Variants in HMGB1 observed in about 807,000 individuals in gnomAD.
HMGB1 encodes high mobility group protein B1.
For synonymous variants in HMGB1, 81 were observed against 84.0 expected (o/e 0.96, Z 0.19); for missense variants, 79 against 253.5 (o/e 0.31, Z 4.67).
intron 1 of HMGB1, among the ~76,000 whole-genome samples, chr13:30,500,424 C>A (rs1198047756): frequency 6.6e-6 from 1 of 152,078 alleles, no homozygotes; most frequent in African/African-American, 2.4e-5. Flanking sequence ...GGCTGGAGTG[C>A]AGTGGTGCAA....
rs116785195 is a variant in HMGB1, at chr13:30,587,517, G to A, written c.-15+29154C>T. Among the ~76,000 whole-genome samples, 494 of 152,326 alleles carry A rather than the reference G, an allele frequency of 3.2e-3. 1 individual carries two copies. The highest frequency in any genetic ancestry group is 0.011 in the African/African-American group (477 of 41,572). ...ATTTAGCTTTCTGAATTTCTCAAGT[G>A]TGTGTATGAATGAGACTAGTGGGGT... On this transcript the variant is annotated intron_variant, in intron 1 of 4. Coordinates refer to the HMGB1 transcript ENST00000405805.
At chr13:30,612,351 G>A (rs1450712825) in intron 1 of HMGB1, among the ~76,000 whole-genome samples, 4 of 152,082 alleles carry the variant, frequency 2.6e-5, no homozygotes, top group Admixed American at 6.5e-5. Context: ...CAAGACACTC[G>A]AGCTAAGACT....
At chr13:30,557,523 A>C (rs1381862227) in intron 1 of HMGB1, among the ~76,000 whole-genome samples, 1 of 152,218 alleles carries the variant, frequency 6.6e-6, no homozygotes, top group Admixed American at 6.5e-5. Flanking sequence ...AGCTCTGTCC[A>C]TATCTGCACT....
intron 1 of HMGB1, among the ~76,000 whole-genome samples, chr13:30,472,409 T>C (rs1886967022): frequency 6.6e-6 from 1 of 152,176 alleles, no homozygotes; most frequent in African/African-American, 2.4e-5. Context: ...GAGACCAGCC[T>C]GGCCAACATG....
chr13:30,461,205 T>C lies in HMGB1; in HGVS notation c.*152A>G. The C allele has an allele frequency of 2.8e-6, 3 of 1,056,656 alleles. No individual in the cohort carries two copies. Among genetic ancestry groups the C allele is most frequent in the Non-Finnish European group, 4.0e-6 (3 of 755,202 alleles). 65.5% of individuals were successfully genotyped at this position (1,056,656 alleles called of 1,614,324 possible). ...GGCTATCTAAAGACACATTCGGTAGTGTGTTAACTATACAAAAAAAGACAC... is the reference window on the plus strand; with the variant it reads ...GGCTATCTAAAGACACATTCGGTAGCGTGTTAACTATACAAAAAAAGACAC... On this transcript the variant is annotated 3_prime_UTR_variant, in exon 5 of 5. Transcript: ENST00000341423.
chr13:30,465,209 GCGA>G, intron 1 of HMGB1: 28 of 755,028 alleles, frequency 3.7e-5, no homozygotes, highest in Non-Finnish European at 3.5e-5. Context: ...CGCCGCCGCC[GCGA>G]CCGGGCCGAG....
At chr13:30,462,826 G>A in intron 3 of HMGB1, 114 bp from the exon 4 acceptor site, 1 of 805,036 alleles carries the variant, frequency 1.2e-6, no homozygotes, top group Non-Finnish European at 2.0e-6. Context: ...TGATGCATTG[G>A]ACAGGGTGCA....
intron 1 of HMGB1, among the ~76,000 whole-genome samples, chr13:30,523,962 A>G (rs1435349412): frequency 6.6e-6 from 1 of 152,042 alleles, no homozygotes; most frequent in Admixed American, 6.6e-5. Context: ...TCACACTGCT[A>G]TAAAGAACTG....
chr13:30,471,781 GC>G (rs1325080567), intron 1 of HMGB1, among the ~76,000 whole-genome samples: 1 of 143,942 alleles, frequency 6.9e-6, no homozygotes, highest in East Asian at 2.1e-4. Flanking sequence ...CGATTCTCCT[GC>G]CTCAGCCTCC....
intron 1 of HMGB1, among the ~76,000 whole-genome samples, chr13:30,537,390 A>G (rs1383475805): frequency 1.3e-5 from 2 of 151,956 alleles, no homozygotes; most frequent in African/African-American, 4.8e-5. Flanking sequence ...AAAATGAACA[A>G]ACATTTTGTG....
At chr13:30,466,146 A>G (rs973461768), upstream of HMGB1, among the ~76,000 whole-genome samples, 3 of 152,220 alleles carry the variant, frequency 2.0e-5, no homozygotes, top group South Asian at 6.2e-4. Context: ...CAGAGGCAGC[A>G]GCTGCTACGG....
At chr13:30,582,174 G>A (rs1014695341) in intron 1 of HMGB1, among the ~76,000 whole-genome samples, 1 of 152,150 alleles carries the variant, frequency 6.6e-6, no homozygotes, top group Non-Finnish European at 1.5e-5. Context: ...ACTTAAGCAA[G>A]AGGAGATCCA....
chr13:30,615,954 G>C (rs1854417268), intron 1 of HMGB1, among the ~76,000 whole-genome samples: 1 of 152,166 alleles, frequency 6.6e-6, no homozygotes, highest in East Asian at 1.9e-4. Context: ...GCTGACAAGC[G>C]ATGGACGCAA....
chr13:30,579,068 G>A (rs1302993586), intron 1 of HMGB1, among the ~76,000 whole-genome samples: 2 of 152,170 alleles, frequency 1.3e-5, no homozygotes, highest in Non-Finnish European at 2.9e-5. Flanking sequence ...GGGCAAGGAC[G>A]GAATCATTCT....
chr13:30,596,863 G>C (rs1055968487), intron 1 of HMGB1, among the ~76,000 whole-genome samples: 2 of 152,208 alleles, frequency 1.3e-5, no homozygotes, highest in African/African-American at 4.8e-5. Flanking sequence ...GACTGGAATA[G>C]TGTAACTAGT....
chr13:30,553,689 C>CG, intron 1 of HMGB1: 1 of 860,472 alleles, frequency 1.2e-6, no homozygotes, highest in Non-Finnish European at 2.0e-6. Context: ...CATCATTGAG[C>CG]GGGAGTTCAA....
intron 1 of HMGB1, among the ~76,000 whole-genome samples, chr13:30,533,069 C>A (rs757113930): frequency 2.1e-4 from 32 of 152,196 alleles, no homozygotes; most frequent in Admixed American, 3.9e-4. Flanking sequence ...AAGCTTCACA[C>A]CCAGGTCCAG....
intron 1 of HMGB1, among the ~76,000 whole-genome samples, chr13:30,597,367 G>A (rs1159784969): frequency 6.6e-6 from 1 of 152,166 alleles, no homozygotes; most frequent in African/African-American, 2.4e-5. Flanking sequence ...AAGAGTCATG[G>A]GACAGGTTCT....
intron 1 of HMGB1, chr13:30,465,041 G>C (rs1474262614): frequency 2.2e-6 from 1 of 454,222 alleles, no homozygotes; most frequent in African/African-American, 2.2e-5. Flanking sequence ...AGAACGCGGG[G>C]CTGTGAAAAG....
Sources: gnomAD v4.1 joint callset for allele counts (sites outside exome capture counted in the v4.1 genomes callset) on GRCh38, gnomAD v4.1.1 for gene constraint, MANE v1.5 for transcripts, NCBI Gene and HGNC (gene_info 2026-07-23, HGNC 2026-07-21) for gene names.